Variants in PDE4D observed in about 807,000 individuals in gnomAD.
PDE4D encodes phosphodiesterase 4D.
PDE4D carries 24 observed loss-of-function variants against 87.4 expected under a neutral mutation model. The observed-to-expected ratio is 0.27, with a 90% CI of 0.20 to 0.39. The LOEUF (loss-of-function observed/expected upper bound fraction) is 0.39. PDE4D is among the 10% of genes least tolerant of loss of function. The pLI, the probability that PDE4D is intolerant of heterozygous loss-of-function variation, is 1.00. For missense variants in PDE4D, 714 were observed against 1,041.0 expected (o/e 0.69, Z 4.32); for synonymous variants, 384 against 383.2 (o/e 1.00, Z -0.02).
At chr5:59,993,005 G>C (rs2152833679) in intron 2 of PDE4D, among the ~76,000 whole-genome samples, 1 of 152,280 alleles carries the variant, frequency 6.6e-6, no homozygotes, top group East Asian at 1.9e-4. Flanking sequence ...CTAATCACCA[G>C]AGCAATAAGT....
chr5:60,493,289 T>G lies in PDE4D; in HGVS notation n.70+28762A>C, dbSNP rs1749631147. On this transcript the variant is annotated intron_variant and non_coding_transcript_variant, in intron 1 of 2. Coordinates refer to the PDE4D transcript ENST00000506510. The stretch of plus-strand genomic sequence containing the variant: ...TCATTAATCTTCAGTCATGGTAACC[T>G]AACCAAAAACGATTTGAAGGAGGAG... Among the ~76,000 whole-genome samples, 4 of 152,304 alleles carry G rather than the reference T, an allele frequency of 2.6e-5. No homozygotes were observed. In the South Asian group the frequency reaches 8.3e-4, roughly 32 times the overall value.
At chr5:59,456,937 T>C (rs1277030610) in intron 1 of PDE4D, among the ~76,000 whole-genome samples, 2 of 152,200 alleles carry the variant, frequency 1.3e-5, no homozygotes, top group Admixed American at 6.5e-5. Context: ...TTACTTCTTA[T>C]AGATGAGCAA....
intron 1 of PDE4D, among the ~76,000 whole-genome samples, chr5:60,290,549 AT>A (rs1752804289): frequency 6.6e-6 from 1 of 152,186 alleles, no homozygotes; most frequent in Admixed American, 6.5e-5. Context: ...CACACCTGTA[AT>A]CCAAGCACTT....
At chr5:60,461,414 G>C (rs1183850213) in intron 1 of PDE4D, among the ~76,000 whole-genome samples, 4 of 152,248 alleles carry the variant, frequency 2.6e-5, no homozygotes, top group African/African-American at 9.6e-5. Flanking sequence ...GAAGAGGAAA[G>C]TGCACCTAGC....
intron 1 of PDE4D, among the ~76,000 whole-genome samples, chr5:59,539,722 G>A (rs1305555076): frequency 6.6e-6 from 1 of 151,950 alleles, no homozygotes; most frequent in Non-Finnish European, 1.5e-5. Context: ...ATACTTCTCT[G>A]CTTACCTCTT....
At chr5:59,114,486 T>C (rs1166484401) in intron 5 of PDE4D, among the ~76,000 whole-genome samples, 2 of 152,172 alleles carry the variant, frequency 1.3e-5, no homozygotes, top group African/African-American at 4.8e-5. Flanking sequence ...GAATTTCCAA[T>C]AAATATTGGG....
At chr5:60,192,077 A>C (rs1279615550) in intron 1 of PDE4D, among the ~76,000 whole-genome samples, 1 of 152,158 alleles carries the variant, frequency 6.6e-6, no homozygotes, top group East Asian at 1.9e-4. Context: ...AATATGTAAC[A>C]TACATTGTAC....
At chr5:59,284,608 T>C (rs932262684) in intron 1 of PDE4D, among the ~76,000 whole-genome samples, 36 of 140,074 alleles carry the variant, frequency 2.6e-4, no homozygotes, top group African/African-American at 8.1e-4. Context: ...TTTTACACTG[T>C]TGGTGGGACT....
At chr5:59,107,319 C>T (rs1392574435) in intron 5 of PDE4D, among the ~76,000 whole-genome samples, 1 of 152,156 alleles carries the variant, frequency 6.6e-6, no homozygotes, top group African/African-American at 2.4e-5. Context: ...AGTGATTCTC[C>T]TGCCTCAGCC....
At position 58,975,806 on chromosome 5, in the gene PDE4D, T is replaced by C. The variant is rs1350715292; in HGVS notation, c.1864A>G (p.Ser622Gly). Residue 622 changes from serine (S) to glycine (G), a missense_variant, in exon 14 of 15, where the codon AGC (serine) becomes GGC (glycine). Transcript: ENST00000340635. This position sits in a 1 kb window ranked among gnomAD's most constrained non-coding sequence, Gnocchi z 4.2. ...AGCTGGAGAGGCTTTGTTGGGTTGC[T>C]CAGATCTGCACAGTGCACCATATTC... is the stretch of plus-strand genomic sequence containing the variant. The part of the protein sequence containing the change: ...LQNMVHCADL[S>G]NPTKPLQLYR... 1 of 1,608,402 alleles carries C rather than the reference T, an allele frequency of 6.2e-7. No homozygotes were observed.
Position 59,128,114 on chromosome 5 carries a change from A to G in PDE4D, c.808+52481T>C, listed in dbSNP as rs1775755032. ...TCTGATTATTCTTCAGGTTTTACTAAAAGGCTTCAGTCTTTGATATAAGGC... is the reference window on the plus strand; with the variant it reads ...TCTGATTATTCTTCAGGTTTTACTAGAAGGCTTCAGTCTTTGATATAAGGC... On this transcript the variant is annotated intron_variant, in intron 5 of 14. Coordinates refer to ENST00000340635, the MANE Select transcript of PDE4D (RefSeq NM_001104631.2). Among the ~76,000 whole-genome samples the G allele has an allele frequency of 3.3e-5, 5 of 151,062 alleles. No homozygotes were observed. The South Asian group carries it at 1.1e-3, about 32-fold the overall frequency.
At chr5:59,869,384 G>A (rs1747492304) in intron 1 of PDE4D, among the ~76,000 whole-genome samples, 1 of 152,168 alleles carries the variant, frequency 6.6e-6, no homozygotes, top group Non-Finnish European at 1.5e-5. Flanking sequence ...AGTGAGTATG[G>A]TGGTTTCCAA....
chr5:59,408,093 G>A (rs1792011118), intron 1 of PDE4D, among the ~76,000 whole-genome samples: 1 of 152,170 alleles, frequency 6.6e-6, no homozygotes, highest in Non-Finnish European at 1.5e-5. Context: ...TGGGAAAAAG[G>A]CCTTTACAGC....
intron 1 of PDE4D, among the ~76,000 whole-genome samples, chr5:60,218,373 A>G (rs1744111100): frequency 6.6e-6 from 1 of 152,010 alleles, no homozygotes; most frequent in Non-Finnish European, 1.5e-5. Flanking sequence ...CTGGGAAGGG[A>G]TGAGAAGAGA....
At chr5:59,362,157 T>C (rs1031367107) in intron 1 of PDE4D, among the ~76,000 whole-genome samples, 4 of 152,182 alleles carry the variant, frequency 2.6e-5, no homozygotes, top group African/African-American at 9.7e-5. Flanking sequence ...GCAATTTATA[T>C]AAAAACATTC....
chr5:59,018,100 T>C (rs1754402301), intron 6 of PDE4D, among the ~76,000 whole-genome samples: 1 of 152,196 alleles, frequency 6.6e-6, no homozygotes, highest in Non-Finnish European at 1.5e-5. Flanking sequence ...AGCTAATAAA[T>C]TGTATTGTGA....
intron 1 of PDE4D, among the ~76,000 whole-genome samples, chr5:59,459,924 C>T (rs747055184): frequency 2.6e-5 from 4 of 152,114 alleles, no homozygotes; most frequent in Non-Finnish European, 5.9e-5. Context: ...GAGGGGATGC[C>T]TTGTTAAGAC....
chr5:58,981,080 T>C (rs1317134263), intron 11 of PDE4D, among the ~76,000 whole-genome samples: 2 of 152,164 alleles, frequency 1.3e-5, no homozygotes, highest in Non-Finnish European at 2.9e-5. Context: ...AGGGCAATCT[T>C]CTTTAATCAG....
chr5:59,458,740 G>A (rs754698949), intron 1 of PDE4D, among the ~76,000 whole-genome samples: 1 of 152,100 alleles, frequency 6.6e-6, no homozygotes, highest in Non-Finnish European at 1.5e-5. Flanking sequence ...AAATGACAAC[G>A]CATAAAAATA....
Sources: allele counts gnomAD v4.1 joint callset (sites outside exome capture counted in the v4.1 genomes callset), GRCh38; gene constraint gnomAD v4.1.1; non-coding constraint Gnocchi (gnomAD v3.1); transcripts MANE v1.5; gene names NCBI Gene and HGNC (gene_info 2026-07-23, HGNC 2026-07-21).